Variants in ABCA9 observed in about 807,000 individuals in gnomAD.
ABCA9 encodes the protein ATP-binding cassette sub-family A member 9.
A neutral mutation model predicts 205.3 loss-of-function variants in ABCA9; 183 were observed. That is an observed-to-expected ratio of 0.89 (90% CI 0.79 to 1.01). The LOEUF is 1.01. ABCA9 is among the 50% of genes least tolerant of loss of function. ABCA9 has a pLI of 0.00. For synonymous variants in ABCA9, 651 were observed against 683.3 expected (o/e 0.95, Z 0.74); for missense variants, 1,805 against 1,912.4 (o/e 0.94, Z 1.05).
chr17:69,065,707 T>C (rs755525993), upstream of ABCA9, among the ~76,000 whole-genome samples: 5 of 152,198 alleles, frequency 3.3e-5, no homozygotes, highest in African/African-American at 4.8e-5. Context: ...CTCTGATCTC[T>C]CCTCCCACAA....
intron 29 of ABCA9, among the ~76,000 whole-genome samples, chr17:68,990,317 G>T (rs762445662): frequency 6.6e-6 from 1 of 152,178 alleles, no homozygotes; most frequent in Non-Finnish European, 1.5e-5. Flanking sequence ...ATGTTTAGCT[G>T]TACTTATCAA....
chr17:69,068,625 T>C, the ABCA9 span, among the ~76,000 whole-genome samples: 1 of 152,166 alleles, frequency 6.6e-6, no homozygotes, highest in African/African-American at 2.4e-5. Flanking sequence ...ATATAATTCA[T>C]GTGTAAGCAT....
intron 19 of ABCA9, among the ~76,000 whole-genome samples, 157 bp from the exon 20 acceptor site, chr17:69,018,736 G>C (rs538253523): frequency 6.0e-4 from 92 of 152,124 alleles, no homozygotes; most frequent in Non-Finnish European, 1.2e-3. Flanking sequence ...TCTAAAATGA[G>C]ATGGGTCATA....
At chr17:68,991,259 G>T in intron 28 of ABCA9, among the ~76,000 whole-genome samples, 1 of 152,146 alleles carries the variant, frequency 6.6e-6, no homozygotes, top group Non-Finnish European at 1.5e-5. Context: ...GTGAAGCAGA[G>T]TTGCATGAGG....
chr17:69,040,666 A>T (rs192980031), intron 6 of ABCA9, among the ~76,000 whole-genome samples: 2 of 152,332 alleles, frequency 1.3e-5, no homozygotes, highest in East Asian at 3.9e-4. Flanking sequence ...GCACATGTAT[A>T]CCTATGTAAC....
chr17:69,070,818 C>T, the ABCA9 span, among the ~76,000 whole-genome samples: 3 of 152,160 alleles, frequency 2.0e-5, no homozygotes, highest in Non-Finnish European at 2.9e-5. Flanking sequence ...CTTCACAGAG[C>T]CCAGCAATGT....
intron 8 of ABCA9, 41 bp downstream of exon 8, chr17:69,035,205 G>T: frequency 7.0e-7 from 1 of 1,435,960 alleles, no homozygotes; most frequent in South Asian, 1.6e-5. Context: ...AATCTGTGTA[G>T]AACGGTTTGT....
rs748491492 is a variant in ABCA9, at chr17:69,026,403, C to T, written c.2115G>A (p.Lys705=). The T allele has an allele frequency of 1.2e-6, 2 of 1,613,836 alleles. No individual in the cohort carries two copies. Among genetic ancestry groups the T allele is most frequent in the South Asian group, 2.2e-5 (2 of 91,068 alleles). Residue 705 remains lysine, a synonymous_variant, in exon 16 of 39, where the codon AAG becomes AAA. Coordinates refer to ENST00000340001, the MANE Select transcript of ABCA9 (RefSeq NM_080283.4). Reference sequence around the variant, plus strand: ...TTAAATGGTAGCCTATGCCCCATTTCTTCTTAAGGAACAGAGAAGAGCCTG... The same window carrying T: ...TTAAATGGTAGCCTATGCCCCATTTTTTCTTAAGGAACAGAGAAGAGCCTG... ...KCAGSSLFLK[K]KWGIGYHLSL...
intron 31 of ABCA9, 58 bp downstream of exon 31, chr17:68,988,969 G>A: frequency 9.7e-7 from 1 of 1,028,662 alleles, no homozygotes; most frequent in South Asian, 1.3e-5. Flanking sequence ...GTCTATTATT[G>A]CCATCAATAT....
chr17:69,015,932 C>T (rs1383530006), intron 22 of ABCA9, among the ~76,000 whole-genome samples: 1 of 151,204 alleles, frequency 6.6e-6, no homozygotes, highest in East Asian at 1.9e-4. Flanking sequence ...ACCAAGTCAT[C>T]TGAATAAGGT....
At chr17:69,066,635 A>C in the ABCA9 span, among the ~76,000 whole-genome samples, 2 of 152,092 alleles carry the variant, frequency 1.3e-5, no homozygotes, top group Non-Finnish European at 2.9e-5. Context: ...GTCACAAGAA[A>C]AAAAGGAAGT....
chr17:69,037,754 G>T (rs2079808), intron 6 of ABCA9, among the ~76,000 whole-genome samples: 54,683 of 151,086 alleles, frequency 0.36, 10,253 homozygotes, highest in East Asian at 0.68. Flanking sequence ...GAAAAACCCT[G>T]CAAAAAAAAT....
At chr17:68,978,602 G>A (rs2068953009) in intron 37 of ABCA9, among the ~76,000 whole-genome samples, 1 of 152,098 alleles carries the variant, frequency 6.6e-6, no homozygotes, top group Non-Finnish European at 1.5e-5. Flanking sequence ...GCAGTGGCTG[G>A]TACCGGTTGT....
rs775649552 is a variant in ABCA9 at position 69,035,801 on chromosome 17, C to A, written c.801G>T (p.Trp267Cys). 4 of 1,608,844 alleles carry A rather than the reference C, an allele frequency of 2.5e-6. No homozygotes were observed. The highest frequency in any genetic ancestry group is 3.4e-5 in the Admixed American group (2 of 59,084). Residue 267 changes from tryptophan to cysteine, a missense_variant and splice_region_variant, in exon 7 of 39, where the codon TGG becomes TGT. Physicochemically the swap from Trp to Cys is radical, Grantham distance 215. Transcript: ENST00000340001. ...CAGCATACATCAAACCCCAGGAAAG[C>A]CTAGCAGAGAAACAAAGCCGTCAGT... ...TMMGLRESAF[W>C]LSWGLMYAGF...
chr17:69,024,149 TATC>T, intron 17 of ABCA9, 62 bp downstream of exon 17: 1 of 1,551,028 alleles, frequency 6.4e-7, no homozygotes, highest in Non-Finnish European at 8.8e-7. Context: ...CCATCATTCT[TATC>T]ACCACTGTTA....
At chr17:69,046,875 C>CTA (rs71144650) in intron 3 of ABCA9, among the ~76,000 whole-genome samples, 2,629 of 127,304 alleles carry the variant, frequency 0.021, 25 homozygotes, top group Non-Finnish European at 0.026. Context: ...CGATTTTATA[C>CTA]TATATATATA....
chr17:68,977,021 T>C (rs577769671), intron 37 of ABCA9, among the ~76,000 whole-genome samples: 1 of 137,104 alleles, frequency 7.3e-6, no homozygotes, highest in Non-Finnish European at 1.7e-5. Flanking sequence ...GTCCCTATCT[T>C]ATATCTGGAA....
chr17:68,987,762 G>GT (rs1156483091), intron 31 of ABCA9, among the ~76,000 whole-genome samples: 2 of 38,264 alleles, frequency 5.2e-5, no homozygotes, highest in African/African-American at 9.2e-5. Context: ...TTGTTTGTTT[G>GT]TTTGTTTTTT....
chr17:68,992,063 C>T, intron 28 of ABCA9, 112 bp downstream of exon 28: 1 of 681,900 alleles, frequency 1.5e-6, no homozygotes, highest in South Asian at 2.4e-5. Flanking sequence ...ATATCACAGT[C>T]TTTAAAAACC....
Sources: gnomAD v4.1 joint callset for allele counts (sites outside exome capture counted in the v4.1 genomes callset) on GRCh38, gnomAD v4.1.1 for gene constraint, MANE v1.5 for transcripts, NCBI Gene and HGNC (gene_info 2026-07-23, HGNC 2026-07-21) for gene names.